ANK2: variants seen among roughly 807,000 people sequenced by gnomAD.
ANK2 encodes the protein ankyrin 2, also known as ankyrin-2.
ANK2 carries 83 observed loss-of-function variants against 360.5 expected under a neutral mutation model. That is an observed-to-expected ratio of 0.23 (90% CI 0.19 to 0.28). The LOEUF is 0.28. Among genes scored for constraint, ANK2 ranks in the 10% least tolerant of loss-of-function variants. ANK2 has a pLI of 1.00. For synonymous variants in ANK2, 1,740 were observed against 1,759.5 expected, an observed-to-expected ratio of 0.99 and a Z score of 0.28; for missense variants, 4,201 against 4,795.7, an observed-to-expected ratio of 0.88 and a Z score of 3.66.
intron 4 of ANK2, among the ~76,000 whole-genome samples, chr4:113,220,840 A>G (rs992634905): frequency 8.5e-5 from 13 of 152,370 alleles, no homozygotes; most frequent in African/African-American, 2.6e-4. Context: ...AAATAAGGCT[A>G]AAAGTAAACT....
chr4:113,336,422 T>C, intron 30 of ANK2, 155 bp from the exon 31 acceptor site: 2 of 755,460 alleles, frequency 2.6e-6, no homozygotes, highest in Non-Finnish European at 4.2e-6. Context: ...TTAGTAATAA[T>C]ACTGAACTTA....
intron 2 of ANK2, among the ~76,000 whole-genome samples, chr4:113,006,344 G>A (rs1379238428): frequency 6.6e-6 from 1 of 152,144 alleles, no homozygotes; most frequent in Non-Finnish European, 1.5e-5. Flanking sequence ...GGCAAAGACT[G>A]ATGAGCCAAT....
At chr4:113,040,480 T>TTGCTGC (rs1015032419) in intron 2 of ANK2, among the ~76,000 whole-genome samples, 2 of 151,944 alleles carry the variant, frequency 1.3e-5, no homozygotes, top group East Asian at 3.9e-4. Flanking sequence ...CCCTAAACAA[T>TTGCTGC]TGCTGCTGCT....
intron 2 of ANK2, among the ~76,000 whole-genome samples, chr4:112,916,358 C>T (rs960715035): frequency 6.6e-6 from 1 of 152,140 alleles, no homozygotes; most frequent in African/African-American, 2.4e-5. Flanking sequence ...GACTATGAGC[C>T]TCAGTGATAG....
At chr4:113,071,153 G>A (rs1192527108) in intron 1 of ANK2, among the ~76,000 whole-genome samples, 1 of 152,158 alleles carries the variant, frequency 6.6e-6, no homozygotes, top group Non-Finnish European at 1.5e-5. Context: ...GACTGCACAT[G>A]ATTTAATTAC....
intron 2 of ANK2, among the ~76,000 whole-genome samples, chr4:113,000,699 T>G (rs1451721213): frequency 6.6e-6 from 1 of 152,210 alleles, no homozygotes; most frequent in African/African-American, 2.4e-5. Flanking sequence ...ACTAGGTTTG[T>G]GCACAGTTTT....
At chr4:112,738,703 A>G in the ANK2 span, 1 of 604,862 alleles carries the variant, frequency 1.7e-6, no homozygotes, top group South Asian at 1.4e-5. Flanking sequence ...GTGAAGCCCA[A>G]GATCATTAAA....
intron 1 of ANK2, among the ~76,000 whole-genome samples, chr4:113,121,614 G>A (rs1012084615): frequency 5.3e-5 from 8 of 152,118 alleles, no homozygotes; most frequent in African/African-American, 1.9e-4. Context: ...TATAGACTAT[G>A]ATATATAATC....
intron 4 of ANK2, among the ~76,000 whole-genome samples, chr4:113,219,930 A>G (rs3025758): frequency 3.3e-5 from 5 of 152,154 alleles, no homozygotes; most frequent in Non-Finnish European, 7.4e-5. Flanking sequence ...GATAAACAAC[A>G]AAAAGGGGGT....
rs569863260 is a variant in ANK2 at position 113,118,897 on chromosome 4, T to C, written c.85-55519T>C. 3.2e-3 allele frequency among the ~76,000 whole-genome samples: 483 copies of C among 152,336 alleles called. 2 individuals carry two copies. In the Middle Eastern group the frequency reaches 0.034, roughly 11 times the overall value. On this transcript the variant is annotated intron_variant, in intron 1 of 45. Coordinates refer to ENST00000357077, the MANE Select transcript of ANK2 (RefSeq NM_001148.6). ...CCCTTGTCAGCATTCAGCTGTGACC[T>C]AGCAACTTTGCTTAGCTAGAGTACC... is the stretch of plus-strand genomic sequence containing the variant.
the ANK2 span, among the ~76,000 whole-genome samples, chr4:112,745,616 C>T: frequency 6.6e-6 from 1 of 151,454 alleles, no homozygotes; most frequent in South Asian, 2.1e-4. Context: ...TCACTGCAAC[C>T]TCCACCTCCT....
chr4:113,143,164 T>C (rs2352531), intron 1 of ANK2, among the ~76,000 whole-genome samples: 82,014 of 151,976 alleles, frequency 0.54, 22,414 homozygotes, highest in Admixed American at 0.62. Context: ...AGAAAACAGG[T>C]ATATCTTGTA....
chr4:113,022,818 C>T (rs1407642245), intron 2 of ANK2, among the ~76,000 whole-genome samples: 3 of 152,116 alleles, frequency 2.0e-5, no homozygotes, highest in Admixed American at 6.5e-5. Context: ...CTGATGGAAG[C>T]AATGCTGTTG....
the ANK2 span, among the ~76,000 whole-genome samples, chr4:112,802,141 T>C: frequency 2.0e-5 from 3 of 152,120 alleles, no homozygotes; most frequent in African/African-American, 7.2e-5. Flanking sequence ...TTGAGGAAGA[T>C]GACAAGTTCA....
At chr4:112,908,375 A>C (rs1268282370) in intron 2 of ANK2, among the ~76,000 whole-genome samples, 1 of 152,232 alleles carries the variant, frequency 6.6e-6, no homozygotes, top group Non-Finnish European at 1.5e-5. Context: ...GCCAAAATTC[A>C]GATCCAGATC....
At chr4:113,161,973 T>G (rs1454252946) in intron 1 of ANK2, among the ~76,000 whole-genome samples, 3 of 152,140 alleles carry the variant, frequency 2.0e-5, no homozygotes, top group African/African-American at 7.2e-5. Flanking sequence ...CATGCCCGTC[T>G]CTTGGACTTT....
Position 113,365,149 on chromosome 4 carries a change from A to T in ANK2, c.10999A>T (p.Ile3667Phe). The change falls in exon 41 of 46, where the codon ATT becomes TTT. Residue 3667 changes from isoleucine (I) to phenylalanine (F), a missense_variant. Transcript: ENST00000357077. Reference protein sequence around the residue: ...QERISHSYAEIEQTITLDHSE... With the variant: ...QERISHSYAEFEQTITLDHSE... ...GCGCATCAGTCATAGTTATGCAGAA[A>T]TTGAACAGACCATTACACTGGATCA... is the stretch of plus-strand genomic sequence containing the variant. 6.2e-7 allele frequency: 1 copy of T among 1,613,916 alleles called. No individual in the cohort carries two copies. Among genetic ancestry groups the T allele is most frequent in the Non-Finnish European group, 8.5e-7 (1 of 1,179,916 alleles).
intron 2 of ANK2, among the ~76,000 whole-genome samples, chr4:113,190,139 AC>A (rs2098633825): frequency 6.6e-6 from 1 of 152,028 alleles, no homozygotes; most frequent in Non-Finnish European, 1.5e-5. Flanking sequence ...CTTAGCATTT[AC>A]TTTTATTTAT....
At chr4:113,141,315 CA>C (rs944083484) in intron 1 of ANK2, 11 of 152,166 alleles carry the variant, frequency 7.2e-5, no homozygotes, top group African/African-American at 2.4e-4. Context: ...CACTACTGAG[CA>C]AAGCCAGCCC....
Sources: allele counts gnomAD v4.1 joint callset (sites outside exome capture counted in the v4.1 genomes callset), GRCh38; gene constraint gnomAD v4.1.1; transcripts MANE v1.5; gene names NCBI Gene and HGNC (gene_info 2026-07-23, HGNC 2026-07-21).